The following FAM53B variants were observed in gnomAD, a reference collection of about 807,000 sequenced individuals.
FAM53B encodes family with sequence similarity 53 member B.
In FAM53B, 12 loss-of-function variants were observed where a neutral mutation model predicts 32.7. The ratio of observed to expected loss-of-function variants is 0.37; its 90% CI spans 0.24 to 0.59. The LOEUF (loss-of-function observed/expected upper bound fraction) is 0.59, where lower values mean the gene tolerates loss of function less well. Ranked by LOEUF, FAM53B falls within the 20% of genes least tolerant of loss-of-function variation. The pLI, the probability that FAM53B is intolerant of heterozygous loss-of-function variation, is 0.72. For synonymous variants in FAM53B, 234 were observed against 228.7 expected (o/e 1.02, Z -0.21); for missense variants, 477 against 577.7 (o/e 0.83, Z 1.79).
intron 4 of FAM53B, among the ~76,000 whole-genome samples, chr10:124,676,157 T>C (rs1236393186): frequency 6.6e-6 from 1 of 152,250 alleles, no homozygotes. Flanking sequence ...CAGAAGCAAC[T>C]ACTCTCGTGT....
At chr10:124,720,398 C>T (rs537772581) in intron 1 of FAM53B, among the ~76,000 whole-genome samples, 1 of 152,250 alleles carries the variant, frequency 6.6e-6, no homozygotes, top group South Asian at 2.1e-4. Context: ...CAAGCCAAGG[C>T]TGCAGTCAGC....
chr10:124,724,505 C>A (rs1406682978), intron 1 of FAM53B, among the ~76,000 whole-genome samples: 1 of 152,206 alleles, frequency 6.6e-6, no homozygotes, highest in South Asian at 2.1e-4. Context: ...TCTGCCCTCC[C>A]AGAGCTGTCC....
chr10:124,635,808 T>C (rs1949426915), intron 4 of FAM53B, among the ~76,000 whole-genome samples: 1 of 152,112 alleles, frequency 6.6e-6, no homozygotes. Context: ...TGGGTACATC[T>C]GTGCAGTGGA....
In FAM53B at chr10:124,623,265, T is replaced by C; in HGVS notation, c.1246A>G (p.Ile416Val). Residue 416 changes from isoleucine (I) to valine (V), a missense_variant, in exon 5 of 5, where the codon ATT (isoleucine) becomes GTT (valine). Physicochemically the swap from Ile to Val is conservative, Grantham distance 29. Coordinates refer to ENST00000337318, the MANE Select transcript of FAM53B (RefSeq NM_014661.4). ...SLCSLDGELD[I>V]EQIEKN Reference sequence around the variant, plus strand: ...CCTCAGTTCTTCTCTATCTGCTCAATGTCCAACTCGCCGTCCAGGGAGCAG... The same window carrying C: ...CCTCAGTTCTTCTCTATCTGCTCAACGTCCAACTCGCCGTCCAGGGAGCAG... The C allele has an allele frequency of 1.9e-6, 3 of 1,608,148 alleles. No individual in the cohort carries two copies. Among genetic ancestry groups the C allele is most frequent in the Non-Finnish European group, 2.5e-6 (3 of 1,177,460 alleles).
intron 4 of FAM53B, among the ~76,000 whole-genome samples, chr10:124,674,852 C>A (rs898289133): frequency 3.3e-5 from 5 of 152,220 alleles, no homozygotes; most frequent in African/African-American, 1.2e-4. Flanking sequence ...TTTGCCAGCA[C>A]CAGAGCAGGG....
At chr10:124,660,522 G>A (rs758590878) in intron 4 of FAM53B, among the ~76,000 whole-genome samples, 4 of 152,162 alleles carry the variant, frequency 2.6e-5, no homozygotes, top group Non-Finnish European at 4.4e-5. Context: ...CAGCCCCCTC[G>A]CCAGCATGCC....
Position 124,651,523 on chromosome 10 carries a change from G to A in FAM53B, c.907-27919C>T, listed in dbSNP as rs1054164849. Among the ~76,000 whole-genome samples the A allele has an allele frequency of 1.3e-5, 2 of 152,178 alleles. No homozygotes were observed. Among genetic ancestry groups the A allele is most frequent in the Non-Finnish European group, 2.9e-5 (2 of 68,006 alleles). Reference sequence around the variant, plus strand: ...CACTGTAGCAGGGAGCCCAGCCGCTGGACGGAATCACAATCCCACACACGG... The same window carrying A: ...CACTGTAGCAGGGAGCCCAGCCGCTAGACGGAATCACAATCCCACACACGG... On this transcript the variant is annotated intron_variant, in intron 4 of 4. Coordinates refer to ENST00000337318, the MANE Select transcript of FAM53B (RefSeq NM_014661.4). This position sits in a 1 kb window ranked among gnomAD's most constrained non-coding sequence, Gnocchi z 5.2.
intron 4 of FAM53B, among the ~76,000 whole-genome samples, chr10:124,668,055 T>A (rs1034457622): frequency 3.3e-5 from 5 of 152,200 alleles, no homozygotes; most frequent in Non-Finnish European, 5.9e-5. Flanking sequence ...GGCCAGACAC[T>A]GCCTTCCATT....
At chr10:124,722,776 G>C (rs955926740) in intron 1 of FAM53B, among the ~76,000 whole-genome samples, 4 of 152,184 alleles carry the variant, frequency 2.6e-5, no homozygotes, top group African/African-American at 9.7e-5. Flanking sequence ...ACAAGAAAAT[G>C]ACAACAGGAG....
intron 4 of FAM53B, among the ~76,000 whole-genome samples, chr10:124,645,859 C>T (rs1213223869): frequency 6.6e-6 from 1 of 152,174 alleles, no homozygotes; most frequent in Non-Finnish European, 1.5e-5. Context: ...GTCCCGGGGG[C>T]AGCAGGCCTC....
intron 1 of FAM53B, among the ~76,000 whole-genome samples, chr10:124,708,775 G>A (rs1403169201): frequency 6.6e-6 from 1 of 152,250 alleles, no homozygotes; most frequent in East Asian, 1.9e-4. Context: ...TCGGCACAAG[G>A]CCTGAGAGGT....
chr10:124,722,950 G>C (rs1006269240), intron 1 of FAM53B, among the ~76,000 whole-genome samples: 4 of 152,264 alleles, frequency 2.6e-5, no homozygotes, highest in African/African-American at 7.2e-5. Context: ...GCTCATGCTG[G>C]TCTCTCAGGC....
At chr10:124,629,711 A>G (rs1949378688) in intron 4 of FAM53B, among the ~76,000 whole-genome samples, 1 of 152,258 alleles carries the variant, frequency 6.6e-6, no homozygotes, top group Non-Finnish European at 1.5e-5. Flanking sequence ...TTGTGCTGGA[A>G]GCTGGCACAG....
chr10:124,623,294 C>G lies in FAM53B; in HGVS notation c.1217G>C (p.Ser406Thr). ...CAACTCGCCGTCCAGGGAGCAGAGGCTGTTCCCAGGGGCCCCGCGGTCCCG... is the reference window on the plus strand; with the variant it reads ...CAACTCGCCGTCCAGGGAGCAGAGGGTGTTCCCAGGGGCCCCGCGGTCCCG... ...AWRDRGAPGN[S>T]LCSLDGELDI... The change falls in exon 5 of 5, where the codon AGC (serine) becomes ACC (threonine). Residue 406 changes from serine to threonine, a missense_variant. Ser to Thr is a moderately conservative substitution (Grantham distance 58). Coordinates refer to ENST00000337318, the MANE Select transcript of FAM53B (RefSeq NM_014661.4). 6.2e-7 allele frequency: 1 copy of G among 1,612,144 alleles called. No individual in the cohort carries two copies. The highest frequency in any genetic ancestry group is 8.5e-7 in the Non-Finnish European group (1 of 1,179,592).
chr10:124,687,781 CA>C (rs1949811500), intron 3 of FAM53B, among the ~76,000 whole-genome samples: 1 of 152,204 alleles, frequency 6.6e-6, no homozygotes, highest in South Asian at 2.1e-4. Flanking sequence ...ATAAGCTCCC[CA>C]GGTTATTTCA....
chr10:124,743,129 G>A (rs1444880839), intron 1 of FAM53B, among the ~76,000 whole-genome samples: 4 of 144,920 alleles, frequency 2.8e-5, no homozygotes, highest in Non-Finnish European at 4.6e-5. Context: ...TGGGGGTGGA[G>A]AGCTGGGGGC....
chr10:124,706,119 G>C (rs1042647891), intron 2 of FAM53B, among the ~76,000 whole-genome samples: 2 of 152,208 alleles, frequency 1.3e-5, no homozygotes, highest in Non-Finnish European at 2.9e-5. Context: ...ACCTCTCTGC[G>C]CTAGTCCACC....
rs1166258497 is a variant in FAM53B, at chr10:124,707,010, G to A, written c.-174-123C>T. On this transcript the variant is annotated intron_variant, in intron 1 of 4. Coordinates refer to ENST00000337318, the MANE Select transcript of FAM53B (RefSeq NM_014661.4). ...GAACCACCTCTCTGCTAAAGGAGAT[G>A]CACTCTGGGAGAGTCACCAAGGCCC... The A allele has an allele frequency of 1.5e-5, 13 of 877,424 alleles. No individual in the cohort carries two copies. In the East Asian group the frequency reaches 4.7e-4, roughly 32 times the overall value. 54.4% of individuals were successfully genotyped at this position (877,424 alleles called of 1,614,324 possible).
intron 1 of FAM53B, among the ~76,000 whole-genome samples, chr10:124,734,052 C>T (rs1950161054): frequency 6.6e-6 from 1 of 152,210 alleles, no homozygotes; most frequent in Non-Finnish European, 1.5e-5. Context: ...CAGCTGTCAC[C>T]CCCTCCAGGA....
Sources: gnomAD v4.1 joint callset for allele counts (sites outside exome capture counted in the v4.1 genomes callset) on GRCh38, gnomAD v4.1.1 for gene constraint, Gnocchi (gnomAD v3.1) non-coding constraint, MANE v1.5 for transcripts, NCBI Gene and HGNC (gene_info 2026-07-23, HGNC 2026-07-21) for gene names.